The following MSRB3 variants were observed in gnomAD, a reference collection of about 807,000 sequenced individuals.
The protein encoded by MSRB3 is methionine-R-sulfoxide reductase B3.
MSRB3 carries 13 observed loss-of-function variants against 21.0 expected under a neutral mutation model. The observed-to-expected ratio is 0.62, with a 90% CI of 0.40 to 0.98. MSRB3 has a LOEUF of 0.98. MSRB3 is among the 50% of genes least tolerant of loss of function. The probability of loss-of-function intolerance (pLI) is 0.00; values close to 1 mark genes in which losing one functional copy is unlikely to be tolerated. For synonymous variants in MSRB3, 87 were observed against 88.6 expected (o/e 0.98, Z 0.10); for missense variants, 199 against 230.3 (o/e 0.86, Z 0.88).
intron 5 of MSRB3, among the ~76,000 whole-genome samples, chr12:65,439,323 A>C (rs1882264059): frequency 6.6e-6 from 1 of 151,808 alleles, no homozygotes; most frequent in South Asian, 2.1e-4. Flanking sequence ...TGATTTAAAA[A>C]TACATAGTTA....
chr12:65,305,086 T>G (rs1873570902), intron 1 of MSRB3: 1 of 151,608 alleles, frequency 6.6e-6, no homozygotes, highest in Non-Finnish European at 1.5e-5. Context: ...TTTTTTTTTT[T>G]GAGACAGGGT....
intron 5 of MSRB3, among the ~76,000 whole-genome samples, chr12:65,439,594 C>A (rs1882279335): frequency 6.6e-6 from 1 of 151,002 alleles, no homozygotes; most frequent in Non-Finnish European, 1.5e-5. Context: ...TTATAATAAT[C>A]CAATGAAACT....
chr12:65,337,430 CAAAAAAAAAAAAAA>C (rs780302211), intron 4 of MSRB3, among the ~76,000 whole-genome samples: 1 of 43,572 alleles, frequency 2.3e-5, no homozygotes, highest in Non-Finnish European at 4.1e-5. Context: ...GAGACTACAT[CAAAAAAAAAAAAAA>C]AAAAAAAAAA....
chr12:65,436,588 A>G (rs1290399988), intron 5 of MSRB3, among the ~76,000 whole-genome samples: 2 of 151,886 alleles, frequency 1.3e-5, no homozygotes, highest in East Asian at 3.9e-4. Context: ...GCATCATTTC[A>G]TCATTTCTAG....
chr12:65,353,497 T>TTTGATACTTG (rs746948807), intron 4 of MSRB3, among the ~76,000 whole-genome samples: 77 of 152,172 alleles, frequency 5.1e-4, no homozygotes, highest in Non-Finnish European at 9.4e-4. Context: ...CTTTGTCCCT[T>TTTGATACTTG]TTGATATTTG....
intron 4 of MSRB3, among the ~76,000 whole-genome samples, chr12:65,336,346 G>T (rs1404247544): frequency 6.6e-6 from 1 of 152,128 alleles, no homozygotes; most frequent in Non-Finnish European, 1.5e-5. Flanking sequence ...AATATACAAA[G>T]ATAATTATAA....
intron 5 of MSRB3, among the ~76,000 whole-genome samples, chr12:65,396,704 A>AGAAAGAAAGAAAGAAAAGAAAGG (rs1555209340): frequency 1.8e-5 from 1 of 54,134 alleles, no homozygotes; most frequent in Admixed American, 2.5e-4. Context: ...AAAAAAAAAA[A>AGAAAGAAAGAAAGAAAAGAAAGG]AAAGAAAGAA....
chr12:65,427,324 G>A (rs763530926), intron 5 of MSRB3, among the ~76,000 whole-genome samples: 11 of 152,188 alleles, frequency 7.2e-5, no homozygotes. Flanking sequence ...GATGGAGATT[G>A]CAGTGATACT....
At chr12:65,349,367 A>C (rs1406136527) in intron 4 of MSRB3, among the ~76,000 whole-genome samples, 1 of 151,892 alleles carries the variant, frequency 6.6e-6, no homozygotes, top group Admixed American at 6.6e-5. Context: ...CACAATAAAC[A>C]TACGTGTGCA....
At chr12:65,307,832 T>G (rs1212289050) in intron 1 of MSRB3, among the ~76,000 whole-genome samples, 3 of 152,194 alleles carry the variant, frequency 2.0e-5, no homozygotes, top group African/African-American at 7.2e-5. Flanking sequence ...AAATGAAAAT[T>G]CATATTTGCC....
intron 5 of MSRB3, among the ~76,000 whole-genome samples, chr12:65,369,695 G>T (rs895116163): frequency 1.3e-5 from 2 of 152,066 alleles, no homozygotes; most frequent in Non-Finnish European, 2.9e-5. Context: ...GTTTCTGATG[G>T]CATTTACAAT....
rs1162698270 is a variant in MSRB3 at position 65,293,356 on chromosome 12, T to G, written c.-52+14491T>G. Among the ~76,000 whole-genome samples the G allele has an allele frequency of 2.0e-5, 3 of 152,326 alleles. No homozygotes were observed. In the South Asian group the frequency reaches 6.2e-4, roughly 32 times the overall value. On this transcript the variant is annotated intron_variant, in intron 1 of 6. Coordinates refer to ENST00000308259, the MANE Select transcript of MSRB3 (RefSeq NM_001031679.3). ...TTATGTTCTCCTTCACTTACTTCCC[T>G]TTCTTTTTGGGACGAAGTTCCAAAT...
intron 1 of MSRB3, among the ~76,000 whole-genome samples, chr12:65,289,980 C>T (rs986316325): frequency 6.6e-6 from 1 of 152,130 alleles, no homozygotes; most frequent in Non-Finnish European, 1.5e-5. Context: ...ACTCATCTTT[C>T]TAAAACTTAG....
chr12:65,412,019 C>G lies in MSRB3; in HGVS notation c.293-41709C>G, dbSNP rs558901740. On this transcript the variant is annotated intron_variant, in intron 5 of 6. Coordinates refer to ENST00000308259, the MANE Select transcript of MSRB3 (RefSeq NM_001031679.3). ...TTACTCAAGATCTCATGTGGGAGAACCTATTGAAGAATCCAGGGCTGTGTT... is the reference window on the plus strand; with the variant it reads ...TTACTCAAGATCTCATGTGGGAGAAGCTATTGAAGAATCCAGGGCTGTGTT... Among the ~76,000 whole-genome samples, 21 of 152,076 alleles carry G rather than the reference C, an allele frequency of 1.4e-4. No homozygotes were observed. The East Asian group carries it at 3.9e-3, about 28-fold the overall frequency.
chr12:65,446,999 G>T (rs1882650085), intron 5 of MSRB3, among the ~76,000 whole-genome samples: 1 of 152,204 alleles, frequency 6.6e-6, no homozygotes, highest in African/African-American at 2.4e-5. Flanking sequence ...CTGGAAGACT[G>T]CTCTCTTAAG....
At chr12:65,459,543 G>A (rs1187472712) in intron 6 of MSRB3, among the ~76,000 whole-genome samples, 1 of 152,194 alleles carries the variant, frequency 6.6e-6, no homozygotes, top group Admixed American at 6.5e-5. Flanking sequence ...ACACACAAGT[G>A]TCTTCAATAA....
chr12:65,354,570 C>G (rs902319960), intron 4 of MSRB3, among the ~76,000 whole-genome samples: 1 of 151,918 alleles, frequency 6.6e-6, no homozygotes, highest in Non-Finnish European at 1.5e-5. Flanking sequence ...TGGTTTTCAG[C>G]TCCATCAGGT....
At chr12:65,404,811 T>C (rs567827634) in intron 5 of MSRB3, among the ~76,000 whole-genome samples, 2 of 152,332 alleles carry the variant, frequency 1.3e-5, no homozygotes, top group East Asian at 1.9e-4. Flanking sequence ...TACAATACAT[T>C]GTTATTAATT....
chr12:65,411,778 G>A (rs914257318), intron 5 of MSRB3, among the ~76,000 whole-genome samples: 3 of 148,784 alleles, frequency 2.0e-5, no homozygotes, highest in Non-Finnish European at 3.0e-5. Context: ...AATATAATAT[G>A]TGTAATATGA....
Sources: allele counts gnomAD v4.1 joint callset (sites outside exome capture counted in the v4.1 genomes callset), GRCh38; gene constraint gnomAD v4.1.1; transcripts MANE v1.5; gene names NCBI Gene and HGNC (gene_info 2026-07-23, HGNC 2026-07-21).